The following PRR11 variants were observed in gnomAD, a reference collection of about 807,000 sequenced individuals.
PRR11 encodes proline-rich protein 11.
Under a neutral mutation model 45.6 loss-of-function variants are expected in PRR11, and 30 were observed. The observed-to-expected ratio is 0.66, with a 90% CI of 0.49 to 0.89. The LOEUF (loss-of-function observed/expected upper bound fraction) is 0.89, where lower values mean the gene tolerates loss of function less well. Ranked by LOEUF, PRR11 falls within the 40% of genes least tolerant of loss-of-function variation. The probability of loss-of-function intolerance (pLI) is 0.00; values close to 1 mark genes in which losing one functional copy is unlikely to be tolerated. For missense variants in PRR11, 373 were observed against 424.8 expected, an observed-to-expected ratio of 0.88 and a Z score of 1.07; for synonymous variants, 128 against 153.5, an observed-to-expected ratio of 0.83 and a Z score of 1.23.
chr17:59,169,093 C>CTT (rs780548478), intron 1 of PRR11, among the ~76,000 whole-genome samples: 2,084 of 106,686 alleles, frequency 0.02, 151 homozygotes, highest in African/African-American at 0.069. Context: ...GAAACATATT[C>CTT]TTTTTTTTTT....
chr17:59,194,109 G>A (rs1756379212), intron 5 of PRR11, among the ~76,000 whole-genome samples: 1 of 152,114 alleles, frequency 6.6e-6, no homozygotes, highest in Admixed American at 6.6e-5. Context: ...TCATTAGGCT[G>A]GAGAACCAAT....
At chr17:59,186,655 A>G (rs2046815819) in intron 4 of PRR11, among the ~76,000 whole-genome samples, 1 of 152,068 alleles carries the variant, frequency 6.6e-6, no homozygotes, top group African/African-American at 2.4e-5. Context: ...TCAGCCTCCC[A>G]AAGTGTTGGG....
chr17:59,170,529 A>G (rs1255705698), intron 2 of PRR11, among the ~76,000 whole-genome samples: 1 of 151,730 alleles, frequency 6.6e-6, no homozygotes, highest in African/African-American at 2.4e-5. Context: ...TGTCTCCAAA[A>G]CAAACAAACA....
At chr17:59,179,915 T>C (rs926460958) in intron 2 of PRR11, 3 of 1,314,904 alleles carry the variant, frequency 2.3e-6, no homozygotes, top group African/African-American at 2.9e-5. Context: ...ATAATGCTTC[T>C]GCAATTGAAC....
intron 2 of PRR11, 85 bp from the exon 3 acceptor site, chr17:59,184,969 G>A (rs1360066730): frequency 4.9e-6 from 6 of 1,234,840 alleles, no homozygotes; most frequent in South Asian, 2.7e-5. Flanking sequence ...AGTGCTAGCA[G>A]TAGAGGCATG....
At chr17:59,182,544 A>G (rs1255812606) in intron 2 of PRR11, among the ~76,000 whole-genome samples, 3 of 148,790 alleles carry the variant, frequency 2.0e-5, no homozygotes, top group Non-Finnish European at 4.5e-5. Flanking sequence ...GGCGCGCACC[A>G]CTACCACCTG....
intron 2 of PRR11, among the ~76,000 whole-genome samples, chr17:59,172,785 C>T (rs191447543): frequency 5.3e-5 from 8 of 152,360 alleles, no homozygotes; most frequent in Admixed American, 1.3e-4. Flanking sequence ...ACCTGCAGCC[C>T]GCCATGCCTG....
At position 59,185,446 on chromosome 17, in the gene PRR11, GA is replaced by G; in HGVS notation, c.288del (p.Val97TyrfsTer2). 6.3e-7 allele frequency: 1 copy of G among 1,597,716 alleles called. No homozygotes were observed. Among genetic ancestry groups the G allele is most frequent in the Non-Finnish European group, 8.6e-7 (1 of 1,169,182 alleles). ...TGTTTATTATTAATTTCAGAGTTTA[GA>G]AGTATTGAAAGACACCATCTTTCCA... ...WCQNCITQSL[E>X]VLKDTIFPSR... is the part of the protein sequence containing the mutation. On this transcript the variant is annotated frameshift_variant, in exon 4 of 10. Coordinates refer to ENST00000262293, the MANE Select transcript of PRR11 (RefSeq NM_018304.4). LOFTEE classifies it high-confidence loss of function.
intron 4 of PRR11, 111 bp from the exon 5 acceptor site, chr17:59,193,381 T>G: frequency 7.7e-7 from 1 of 1,291,512 alleles, no homozygotes; most frequent in African/African-American, 1.5e-5. Context: ...AGGAAGCACA[T>G]GGTACGCTGA....
chr17:59,200,750 C>A (rs1189188907), intron 9 of PRR11, among the ~76,000 whole-genome samples: 3 of 152,128 alleles, frequency 2.0e-5, no homozygotes, highest in Non-Finnish European at 2.9e-5. Flanking sequence ...CCTCGGCCTC[C>A]CAAAGTGCTG....
In PRR11 at chr17:59,169,744, G is replaced by A. The variant is rs777808712; in HGVS notation, c.-5-4G>A. ...ATTAAAAATGTAAAAAAATTTCTCT[G>A]CAGAAATCATGCCCAAGTTCAAACA... On this transcript the variant is annotated splice_polypyrimidine_tract_variant and splice_region_variant and intron_variant, in intron 1 of 9. Coordinates refer to ENST00000262293, the MANE Select transcript of PRR11 (RefSeq NM_018304.4). 11 of 1,577,492 alleles carry A rather than the reference G, an allele frequency of 7.0e-6. No homozygotes were observed. Among genetic ancestry groups the A allele is most frequent in the Non-Finnish European group, 9.4e-6 (11 of 1,169,856 alleles).
intron 2 of PRR11, chr17:59,181,817 C>A (rs1356689513): frequency 6.6e-7 from 1 of 1,517,804 alleles, no homozygotes; most frequent in Non-Finnish European, 9.0e-7. Flanking sequence ...ACCCCGACCC[C>A]AACCCCAAAC....
intron 2 of PRR11, among the ~76,000 whole-genome samples, chr17:59,176,684 C>CTTTTTTTTTTTTT (rs71367676): frequency 1.0e-4 from 4 of 39,000 alleles, no homozygotes; most frequent in East Asian, 8.0e-4. Context: ...GTTTTTTTGG[C>CTTTTTTTTTTTTT]TTTTTTTTTT....
In PRR11 at chr17:59,201,547, C is replaced by CTT. The variant is rs750587785; in HGVS notation, c.1015-6_1015-5dup. The CTT allele has an allele frequency of 3.2e-5, 39 of 1,206,888 alleles. No individual in the cohort carries two copies. Among genetic ancestry groups the CTT allele is most frequent in the Admixed American group, 4.1e-5 (2 of 49,090 alleles). 74.8% of individuals were successfully genotyped at this position (1,206,888 alleles called of 1,614,324 possible). A position where few individuals can be genotyped will look rare whatever the true frequency, so the allele number is the denominator to read the frequency against. Reference sequence around the variant, plus strand: ...AATATAATTGATATTATAATTGGGACTTTTTTTTTTTATAGCTGGCTCACC... The same window carrying CTT: ...AATATAATTGATATTATAATTGGGACTTTTTTTTTTTTTATAGCTGGCTCACC... On this transcript the variant is annotated splice_polypyrimidine_tract_variant and intron_variant, in intron 9 of 9. Transcript: ENST00000262293.
At chr17:59,173,820 T>C (rs1179504369) in intron 2 of PRR11, among the ~76,000 whole-genome samples, 1 of 152,194 alleles carries the variant, frequency 6.6e-6, no homozygotes, top group Non-Finnish European at 1.5e-5. Flanking sequence ...TTCTAGATGA[T>C]CTGCACAAAT....
intron 1 of PRR11, among the ~76,000 whole-genome samples, chr17:59,166,886 G>A (rs1413846167): frequency 6.6e-6 from 1 of 151,462 alleles, no homozygotes; most frequent in Admixed American, 6.6e-5. Context: ...CTATAGGACC[G>A]GGCGCGGTGG....
chr17:59,204,787 G>T lies in PRR11; in HGVS notation c.*3156G>T. 6.6e-6 allele frequency: 1 copy of T among 152,280 alleles called. No homozygotes were observed. Among genetic ancestry groups the T allele is most frequent in the South Asian group, 2.1e-4 (1 of 4,836 alleles). 9.4% of individuals were successfully genotyped at this position (152,280 alleles called of 1,614,324 possible). On this transcript the variant is annotated 3_prime_UTR_variant, in exon 10 of 10. Coordinates refer to ENST00000262293, the MANE Select transcript of PRR11 (RefSeq NM_018304.4). ...CTCACACCTATAATCCTAGCACTTTGGGAGGCTAAGGCAGGAGGATTGCTT... is the reference window on the plus strand; with the variant it reads ...CTCACACCTATAATCCTAGCACTTTTGGAGGCTAAGGCAGGAGGATTGCTT...
chr17:59,181,750 G>T lies in PRR11; in HGVS notation c.129-3304G>T, dbSNP rs1376563177. ...GAGGCTGGGATCTACCCCAGGGGCT[G>T]AGTAAAGAAACCAGGCCACCATGTA... On this transcript the variant is annotated intron_variant, in intron 2 of 9. Coordinates refer to ENST00000262293, the MANE Select transcript of PRR11 (RefSeq NM_018304.4). The T allele has an allele frequency of 1.9e-6, 3 of 1,557,070 alleles. No individual in the cohort carries two copies. In the African/African-American group the frequency reaches 4.1e-5, roughly 21 times the overall value.
chr17:59,171,195 A>G (rs139746241), intron 2 of PRR11, among the ~76,000 whole-genome samples: 5,254 of 152,234 alleles, frequency 0.035, 344 homozygotes, highest in African/African-American at 0.12. Flanking sequence ...CCCGGGAGGC[A>G]GAGCTTGCAG....
Sources: allele counts gnomAD v4.1 joint callset (sites outside exome capture counted in the v4.1 genomes callset), GRCh38; gene constraint gnomAD v4.1.1; transcripts MANE v1.5; gene names NCBI Gene and HGNC (gene_info 2026-07-23, HGNC 2026-07-21).